The following NRP2 variants were observed in gnomAD, a reference collection of about 807,000 sequenced individuals.
NRP2 encodes the protein neuropilin 2.
NRP2 carries 52 observed loss-of-function variants against 110.4 expected under a neutral mutation model. The observed-to-expected ratio is 0.47, with a 90% CI of 0.38 to 0.59. The LOEUF is 0.59. NRP2 is among the 20% of genes least tolerant of loss of function. NRP2 has a pLI of 0.00. For synonymous variants in NRP2, 508 were observed against 468.9 expected (o/e 1.08, Z -1.08); for missense variants, 1,049 against 1,203.0 (o/e 0.87, Z 1.89).
intron 3 of NRP2, among the ~76,000 whole-genome samples, chr2:205,719,428 A>ATACT: frequency 6.6e-6 from 1 of 152,210 alleles, no homozygotes. Flanking sequence ...AACAACTTAC[A>ATACT]TACTTAAAAG....
chr2:205,716,760 A>G (rs1300586460), intron 3 of NRP2, among the ~76,000 whole-genome samples: 2 of 152,216 alleles, frequency 1.3e-5, no homozygotes, highest in Non-Finnish European at 2.9e-5. Context: ...TTTATTTGGA[A>G]CTACATGGGG....
Position 205,795,553 on chromosome 2 carries a change from C to T in NRP2, c.*495C>T, listed in dbSNP as rs1222666797. On this transcript the variant is annotated 3_prime_UTR_variant, in exon 17 of 17. Coordinates refer to ENST00000357785, the MANE Select transcript of NRP2 (RefSeq NM_003872.3). ...AGCCTTTCCATCTTTACAAATAAAA[C>T]TCAAAAAAGCCGTCCAGCTTATCCC... 6.6e-6 allele frequency: 1 copy of T among 152,560 alleles called. No individual in the cohort carries two copies. The highest frequency in any genetic ancestry group is 2.4e-5 in the African/African-American group (1 of 41,396). The allele number at this position is 152,560 out of a possible 1,614,324, so 9.5% of individuals were successfully genotyped here.
intron 12 of NRP2, among the ~76,000 whole-genome samples, chr2:205,754,893 G>A (rs542344899): frequency 1.3e-5 from 2 of 152,238 alleles, no homozygotes; most frequent in South Asian, 4.2e-4. Flanking sequence ...GGCTGGGGAG[G>A]TTGGCTGGCT....
chr2:205,747,824 C>T (rs1207335032), intron 10 of NRP2, among the ~76,000 whole-genome samples: 4 of 152,156 alleles, frequency 2.6e-5, no homozygotes, highest in African/African-American at 7.2e-5. Flanking sequence ...TCCTTCATTG[C>T]TCCCCAATCC....
At chr2:205,783,021 G>C (rs1168776866) in intron 15 of NRP2, among the ~76,000 whole-genome samples, 2 of 152,132 alleles carry the variant, frequency 1.3e-5, no homozygotes, top group African/African-American at 2.4e-5. Context: ...AAATTAACCT[G>C]TCCCTGCTTG....
chr2:205,702,198 G>A (rs920229633), intron 2 of NRP2, among the ~76,000 whole-genome samples: 11 of 152,160 alleles, frequency 7.2e-5, no homozygotes, highest in Admixed American at 3.9e-4. Context: ...ATCCTGTTAC[G>A]AGTATGCCTG....
chr2:205,687,126 TGCCATGGACACGC>T (rs1387563803), intron 1 of NRP2, among the ~76,000 whole-genome samples: 1 of 152,138 alleles, frequency 6.6e-6, no homozygotes, highest in East Asian at 1.9e-4. Context: ...TTAACGCCAT[TGCCATGGACACGC>T]GCAGATTCTC....
intron 15 of NRP2, among the ~76,000 whole-genome samples, chr2:205,787,558 A>T (rs1453494087): frequency 6.6e-6 from 1 of 152,248 alleles, no homozygotes; most frequent in Non-Finnish European, 1.5e-5. Flanking sequence ...CGAGGCCAAT[A>T]TACTCATACA....
Position 205,725,918 on chromosome 2 carries a change from C to A in NRP2, c.826C>A (p.Gln276Lys). The A allele has an allele frequency of 6.2e-7, 1 of 1,614,142 alleles. No homozygotes were observed. The highest frequency in any genetic ancestry group is 8.5e-7 in the Non-Finnish European group (1 of 1,180,030). ...LVHQEPLENF[Q>K]CNVPLGMESG... ...TGACCGTCTGCTTTCCCCAGACTTT[C>A]AGTGCAATGTTCCTCTGGGCATGGA... The change falls in exon 6 of 17, where the codon CAG (glutamine) becomes AAG (lysine). Residue 276 changes from glutamine (Q) to lysine (K), a missense_variant. Coordinates refer to ENST00000357785, the MANE Select transcript of NRP2 (RefSeq NM_003872.3). This position sits in a 1 kb window ranked among gnomAD's most constrained non-coding sequence, Gnocchi z 4.1.
At chr2:205,776,350 G>T in intron 15 of NRP2, 2 of 1,612,986 alleles carry the variant, frequency 1.2e-6, no homozygotes, top group Non-Finnish European at 8.5e-7. Context: ...CGCCGTGCTG[G>T]TGCTGGTCTC....
chr2:205,733,743 C>A (rs760759928), intron 7 of NRP2, among the ~76,000 whole-genome samples: 12 of 152,092 alleles, frequency 7.9e-5, no homozygotes, highest in Non-Finnish European at 1.3e-4. Context: ...CTGTTCCCCC[C>A]AAGCCCGCTC....
chr2:205,740,695 C>A, intron 8 of NRP2, 32 bp downstream of exon 8: 2 of 1,612,692 alleles, frequency 1.2e-6, no homozygotes, highest in Middle Eastern at 1.8e-4. Flanking sequence ...GGTTGGGGTG[C>A]TGATTGAGCC....
chr2:205,711,250 C>T (rs562944954), intron 2 of NRP2, among the ~76,000 whole-genome samples: 25 of 152,264 alleles, frequency 1.6e-4, no homozygotes, highest in African/African-American at 5.1e-4. Context: ...AGGGAAGTGT[C>T]GTAAATTCAG....
intron 12 of NRP2, among the ~76,000 whole-genome samples, chr2:205,754,151 A>G (rs911395073): frequency 3.3e-5 from 5 of 152,230 alleles, no homozygotes; most frequent in African/African-American, 1.2e-4. Context: ...TGAGACCTCC[A>G]TAAGCACTGG....
At chr2:205,788,555 A>G (rs1451184362) in intron 15 of NRP2, among the ~76,000 whole-genome samples, 1 of 147,496 alleles carries the variant, frequency 6.8e-6, no homozygotes, top group Admixed American at 6.8e-5. Flanking sequence ...ATCAGGTGCC[A>G]TGTTTGAAAG....
intron 7 of NRP2, among the ~76,000 whole-genome samples, chr2:205,731,127 C>T (rs1056023843): frequency 6.6e-6 from 1 of 152,224 alleles, no homozygotes; most frequent in Non-Finnish European, 1.5e-5. Context: ...GATTCTCATA[C>T]AGGGTGGGCC....
At chr2:205,765,999 T>C (rs1371122972) in intron 14 of NRP2, among the ~76,000 whole-genome samples, 1 of 152,216 alleles carries the variant, frequency 6.6e-6, no homozygotes, top group East Asian at 1.9e-4. Flanking sequence ...CACAATTACC[T>C]GAGTAGTTAT....
intron 3 of NRP2, among the ~76,000 whole-genome samples, chr2:205,718,158 G>A (rs941617393): frequency 1.3e-5 from 2 of 152,162 alleles, no homozygotes; most frequent in Non-Finnish European, 2.9e-5. Flanking sequence ...GCCAAGGGAA[G>A]TCAGAACAAG....
At chr2:205,693,052 G>A (rs550303559) in intron 1 of NRP2, among the ~76,000 whole-genome samples, 1 of 152,306 alleles carries the variant, frequency 6.6e-6, no homozygotes, top group South Asian at 2.1e-4. Context: ...AAGTGGCAAG[G>A]TGACAACCTC....
Sources: gnomAD v4.1 joint callset for allele counts (sites outside exome capture counted in the v4.1 genomes callset) on GRCh38, gnomAD v4.1.1 for gene constraint, Gnocchi (gnomAD v3.1) non-coding constraint, MANE v1.5 for transcripts, NCBI Gene and HGNC (gene_info 2026-07-23, HGNC 2026-07-21) for gene names.